TAFA2: variants seen among roughly 807,000 people sequenced by gnomAD.
The protein encoded by TAFA2 is TAFA chemokine like family member 2.
Under a neutral mutation model 18.8 loss-of-function variants are expected in TAFA2, and 7 were observed. That is an observed-to-expected ratio of 0.37 (90% CI 0.21 to 0.70). TAFA2 has a LOEUF of 0.70. TAFA2 is among the 30% of genes least tolerant of loss of function. TAFA2 has a pLI of 0.53. For missense variants in TAFA2, 122 were observed against 158.1 expected, an observed-to-expected ratio of 0.77 and a Z score of 1.23; for synonymous variants, 60 against 54.2, an observed-to-expected ratio of 1.11 and a Z score of -0.47.
chr12:61,926,631 C>T (rs35324751), intron 1 of TAFA2, among the ~76,000 whole-genome samples: 25,637 of 151,966 alleles, frequency 0.17, 2,257 homozygotes, highest in East Asian at 0.22. Context: ...AAAAGGCCTT[C>T]GATAAAATCC....
intron 1 of TAFA2, among the ~76,000 whole-genome samples, chr12:61,971,702 C>T (rs191031173): frequency 1.1e-3 from 168 of 151,492 alleles, no homozygotes; most frequent in Admixed American, 1.7e-3. Flanking sequence ...GGGAGGGAAA[C>T]ATACACACCA....
chr12:62,113,917 G>A (rs1318935633), intron 1 of TAFA2, among the ~76,000 whole-genome samples: 1 of 152,188 alleles, frequency 6.6e-6, no homozygotes, highest in East Asian at 1.9e-4. Context: ...ATGGATCTGA[G>A]CTTGCTGGGC....
At chr12:62,170,572 A>C (rs1369247113) in intron 1 of TAFA2, among the ~76,000 whole-genome samples, 1 of 152,238 alleles carries the variant, frequency 6.6e-6, no homozygotes, top group African/African-American at 2.4e-5. Context: ...GGATTCACTC[A>C]CTAAAGAGGG....
chr12:61,808,332 A>G (rs925675816), intron 2 of TAFA2, among the ~76,000 whole-genome samples: 9 of 151,514 alleles, frequency 5.9e-5, no homozygotes, highest in Non-Finnish European at 1.2e-4. Flanking sequence ...CCTCCGCACC[A>G]AATGGTCAAT....
intron 4 of TAFA2, among the ~76,000 whole-genome samples, chr12:61,748,087 T>C (rs1371519412): frequency 1.3e-5 from 2 of 150,242 alleles, no homozygotes; most frequent in African/African-American, 4.9e-5. Flanking sequence ...TTGCAACACA[T>C]AAACAGGTGA....
intron 1 of TAFA2, among the ~76,000 whole-genome samples, chr12:61,994,679 A>C: frequency 1.3e-5 from 2 of 150,380 alleles, no homozygotes; most frequent in Admixed American, 6.6e-5. Context: ...AGTTTAATGG[A>C]CTCTCCCTTC....
intron 1 of TAFA2, among the ~76,000 whole-genome samples, chr12:62,009,027 T>C (rs1333378093): frequency 6.6e-6 from 1 of 152,176 alleles, no homozygotes; most frequent in South Asian, 2.1e-4. Context: ...CTATTGTAAA[T>C]GTACACACAT....
chr12:61,824,069 C>T (rs1041700831), intron 2 of TAFA2, among the ~76,000 whole-genome samples: 1 of 152,166 alleles, frequency 6.6e-6, no homozygotes, highest in Admixed American at 6.5e-5. Flanking sequence ...AACAAACTAG[C>T]TTTAGATTCT....
Position 61,901,392 on chromosome 12 carries a change from G to A in TAFA2, c.-1-33966C>T, listed in dbSNP as rs1370765295. On this transcript the variant is annotated intron_variant, in intron 1 of 4. Coordinates refer to ENST00000416284, the MANE Select transcript of TAFA2 (RefSeq NM_178539.5). Reference sequence around the variant, plus strand: ...GCTGCACCCACTAATGTGTCATCTAGCATTAGGTATATCTCCCAATGCTAT... The same window carrying A: ...GCTGCACCCACTAATGTGTCATCTAACATTAGGTATATCTCCCAATGCTAT... Among the ~76,000 whole-genome samples the A allele has an allele frequency of 0.013, 71 of 5,454 alleles. 28 individuals are homozygous for A. The East Asian group carries it at 0.22, about 17-fold the overall frequency. 3.6% of individuals were successfully genotyped at this position (5,454 alleles called of 152,430 possible).
intron 1 of TAFA2, among the ~76,000 whole-genome samples, chr12:62,251,171 G>C (rs557088852): frequency 8.4e-4 from 128 of 152,262 alleles, no homozygotes; most frequent in African/African-American, 3.0e-3. Flanking sequence ...GTTATAGGAG[G>C]CTGGAATAAT....
At chr12:62,000,070 T>G (rs948857586) in intron 1 of TAFA2, among the ~76,000 whole-genome samples, 6 of 152,236 alleles carry the variant, frequency 3.9e-5, no homozygotes, top group Admixed American at 2.6e-4. Context: ...ACTCATTTAT[T>G]TTTCCATTAA....
intron 1 of TAFA2, among the ~76,000 whole-genome samples, chr12:62,086,393 T>C (rs1868454066): frequency 6.6e-6 from 1 of 152,108 alleles, no homozygotes; most frequent in South Asian, 2.1e-4. Flanking sequence ...TTGCCAATCA[T>C]ATACCTGATA....
intron 1 of TAFA2, among the ~76,000 whole-genome samples, chr12:62,131,479 T>C (rs756795976): frequency 1.6e-4 from 25 of 152,148 alleles, no homozygotes; most frequent in South Asian, 8.3e-4. Context: ...TGAGTAGTGT[T>C]CCACTAATTA....
intron 4 of TAFA2, among the ~76,000 whole-genome samples, chr12:61,747,351 T>C (rs7307653): frequency 0.88 from 120,611 of 136,802 alleles, 53,453 homozygotes; most frequent in East Asian, 0.98. Context: ...TTGACCCAGC[T>C]ATCCCATTAC....
intron 1 of TAFA2, among the ~76,000 whole-genome samples, chr12:61,922,859 G>A (rs980779110): frequency 2.6e-5 from 4 of 152,128 alleles, no homozygotes; most frequent in East Asian, 1.9e-4. Flanking sequence ...TGAAATTCTC[G>A]CTGCCAACAC....
chr12:61,826,279 C>A (rs1374749201), intron 2 of TAFA2, among the ~76,000 whole-genome samples: 3 of 151,730 alleles, frequency 2.0e-5, no homozygotes, highest in African/African-American at 7.3e-5. Flanking sequence ...AAAAATATTT[C>A]CAGAGCATTT....
chr12:62,035,678 T>TAGGGCA (rs1346455396), intron 1 of TAFA2, among the ~76,000 whole-genome samples: 3 of 149,194 alleles, frequency 2.0e-5, no homozygotes, highest in Non-Finnish European at 4.4e-5. Flanking sequence ...CCAGACCCTC[T>TAGGGCA]AGGGCAAGGT....
intron 1 of TAFA2, among the ~76,000 whole-genome samples, chr12:61,964,894 CTAAA>C (rs1416112897): frequency 2.0e-5 from 3 of 151,756 alleles, no homozygotes; most frequent in Non-Finnish European, 4.4e-5. Context: ...TTTAATGTAA[CTAAA>C]TAATTATTTA....
chr12:62,210,077 G>A (rs935328526), intron 1 of TAFA2, among the ~76,000 whole-genome samples: 5 of 152,106 alleles, frequency 3.3e-5, no homozygotes, highest in African/African-American at 9.6e-5. Context: ...GTGGGCGCCT[G>A]TGGGAGGCTA....
Sources: gnomAD v4.1 joint callset for allele counts (sites outside exome capture counted in the v4.1 genomes callset) on GRCh38, gnomAD v4.1.1 for gene constraint, MANE v1.5 for transcripts, NCBI Gene and HGNC (gene_info 2026-07-23, HGNC 2026-07-21) for gene names.